Variants in CHAT observed in about 807,000 individuals in gnomAD.
CHAT encodes acetyl CoA:choline O-acetyltransferase.
CHAT carries 61 observed loss-of-function variants against 76.9 expected under a neutral mutation model. That is an observed-to-expected ratio of 0.79 (90% CI 0.65 to 0.98). CHAT has a LOEUF of 0.98. CHAT is among the 50% of genes least tolerant of loss of function. The pLI is 0.00. For missense variants in CHAT, 946 were observed against 986.9 expected (o/e 0.96, Z 0.56); for synonymous variants, 407 against 397.4 (o/e 1.02, Z -0.29).
upstream of CHAT, chr10:49,613,159 A>AG: frequency 6.6e-6 from 1 of 152,278 alleles, no homozygotes; most frequent in Non-Finnish European, 1.5e-5. Flanking sequence ...ATTCCGGCAG[A>AG]GGAAGAAAAA....
At chr10:49,610,454 G>C (rs2377879), upstream of CHAT, 1 of 364,628 alleles carries the variant, frequency 2.7e-6, no homozygotes, top group East Asian at 4.0e-5. Context: ...GGCGAAGTGC[G>C]CCCAGTCTCC....
rs752740939 is a variant in CHAT at position 49,664,969 on chromosome 10, C to A, written c.2170C>A (p.Leu724Met). 1.2e-6 allele frequency: 2 copies of A among 1,614,256 alleles called. No homozygotes were observed. Among genetic ancestry groups the A allele is most frequent in the South Asian group, 2.2e-5 (2 of 91,082 alleles). Residue 724 changes from leucine (L) to methionine (M), a missense_variant, in exon 15 of 15, where the codon CTG becomes ATG. Leu to Met is a conservative substitution (Grantham distance 15). Coordinates refer to ENST00000337653, the MANE Select transcript of CHAT (RefSeq NM_020549.5). ...CATTGACATGAGAGACCTCTGCAGT[C>A]TGCTGCCGCCTACTGAGAGCAAGCC... ...SLIDMRDLCS[L>M]LPPTESKPLA...
chr10:49,662,601 G>A, intron 13 of CHAT, 44 bp from the exon 14 acceptor site: 1 of 1,612,586 alleles, frequency 6.2e-7, no homozygotes. Context: ...GGAGGTGCAG[G>A]AGGCCCACTT....
upstream of CHAT, among the ~76,000 whole-genome samples, chr10:49,609,757 G>A (rs191436474): frequency 1.3e-5 from 2 of 152,202 alleles, no homozygotes; most frequent in African/African-American, 2.4e-5. Flanking sequence ...GGGCCAGGGG[G>A]CGGAGTCGGA....
At position 49,614,406 on chromosome 10, in the gene CHAT, C is replaced by G; in HGVS notation, c.217C>G (p.His73Asp). Residue 73 changes from histidine (H) to aspartate (D), a missense_variant, in exon 1 of 15, where the codon CAC becomes GAC. Physicochemically the swap from His to Asp is moderately conservative, Grantham distance 81. Around this residue, in one of 3 missense-constraint regions of CHAT, gnomAD observed 548 missense variants for 516.2 expected, o/e 1.06. Coordinates refer to ENST00000337653, the MANE Select transcript of CHAT (RefSeq NM_020549.5). The stretch of plus-strand genomic sequence containing the variant: ...GACACGCCCCCCACCCCTTCCGGCT[C>G]ACACCCCCGCCCACACTCCTGAGTG... ...AATRPPPLPAHTPAHTPEWCG... is the reference protein window; with the variant it reads ...AATRPPPLPADTPAHTPEWCG... 6.5e-7 allele frequency: 1 copy of G among 1,547,126 alleles called. No individual in the cohort carries two copies. The highest frequency in any genetic ancestry group is 1.2e-5 in the South Asian group (1 of 83,944).
chr10:49,642,221 T>C (rs892279707), intron 7 of CHAT, among the ~76,000 whole-genome samples: 34 of 152,242 alleles, frequency 2.2e-4, no homozygotes, highest in Admixed American at 2.6e-4. Context: ...CTTCAGCCCG[T>C]TGTCCCATGT....
At chr10:49,627,212 G>A (rs1054123489) in intron 6 of CHAT, among the ~76,000 whole-genome samples, 12 of 152,196 alleles carry the variant, frequency 7.9e-5, no homozygotes, top group African/African-American at 1.4e-4. Context: ...CGGTACACAC[G>A]GGTACGTTTC....
intron 2 of CHAT, among the ~76,000 whole-genome samples, chr10:49,617,815 G>A (rs541653530): frequency 9.9e-5 from 15 of 152,166 alleles, no homozygotes; most frequent in Non-Finnish European, 1.6e-4. Context: ...GGTTGGGCAG[G>A]GCAGTCTGGG....
Position 49,614,300 on chromosome 10 carries a change from C to G in CHAT, c.111C>G (p.Leu37=). ...GAGAAGTGCGGCCAGCTTGCTTTCTCCAGTCGGGTGGCCGCGGGGACCCGG... is the reference window on the plus strand; with the variant it reads ...GAGAAGTGCGGCCAGCTTGCTTTCTGCAGTCGGGTGGCCGCGGGGACCCGG... The part of the protein sequence containing the change: ...GRREVRPACF[L]QSGGRGDPGD... The change falls in exon 1 of 15, where the codon CTC becomes CTG. Residue 37 remains leucine (L), a synonymous_variant. Transcript: ENST00000337653. 5 of 1,548,252 alleles carry G rather than the reference C, an allele frequency of 3.2e-6. No individual in the cohort carries two copies. The highest frequency in any genetic ancestry group is 4.4e-6 in the Non-Finnish European group (5 of 1,146,394).
intron 13 of CHAT, among the ~76,000 whole-genome samples, chr10:49,657,404 A>G (rs750491375): frequency 6.6e-6 from 1 of 152,172 alleles, no homozygotes; most frequent in Non-Finnish European, 1.5e-5. Context: ...GTTTCAACAC[A>G]TGAAGTTTGG....
At chr10:49,631,751 C>G (rs151029088) in intron 7 of CHAT, among the ~76,000 whole-genome samples, 214 of 152,214 alleles carry the variant, frequency 1.4e-3, no homozygotes, top group African/African-American at 4.6e-3. Context: ...AGATGTGATA[C>G]TGGCCATGGG....
At chr10:49,647,364 T>C (rs1410722234) in intron 8 of CHAT, among the ~76,000 whole-genome samples, 2 of 152,202 alleles carry the variant, frequency 1.3e-5, no homozygotes, top group Non-Finnish European at 1.5e-5. Flanking sequence ...TCCCCCAACA[T>C]GCCAATCCTG....
At chr10:49,639,641 A>G (rs928093980) in intron 7 of CHAT, among the ~76,000 whole-genome samples, 25 of 150,932 alleles carry the variant, frequency 1.7e-4, no homozygotes, top group African/African-American at 6.1e-4. Context: ...TGTTTTCAAG[A>G]TTTTTCCTTT....
chr10:49,622,352 G>A (rs989594354), intron 5 of CHAT, among the ~76,000 whole-genome samples: 2 of 152,158 alleles, frequency 1.3e-5, no homozygotes, highest in Non-Finnish European at 2.9e-5. Flanking sequence ...TCCTTTTCCT[G>A]TGGCAAGCAC....
At chr10:49,642,937 T>C (rs1456357446) in intron 7 of CHAT, among the ~76,000 whole-genome samples, 1 of 152,228 alleles carries the variant, frequency 6.6e-6, no homozygotes, top group Non-Finnish European at 1.5e-5. Flanking sequence ...CACTCCCTGT[T>C]GTTGCTGGCT....
intron 7 of CHAT, among the ~76,000 whole-genome samples, chr10:49,637,938 C>T (rs1839350163): frequency 6.6e-6 from 1 of 152,058 alleles, no homozygotes; most frequent in Non-Finnish European, 1.5e-5. Flanking sequence ...GGCATATGTT[C>T]GATGGGTATT....
intron 4 of CHAT, among the ~76,000 whole-genome samples, chr10:49,621,845 A>T (rs1838721343): frequency 6.6e-6 from 1 of 150,464 alleles, no homozygotes; most frequent in African/African-American, 2.5e-5. Flanking sequence ...GGCTCTCGGC[A>T]TGGGGCTGGG....
chr10:49,647,289 A>G (rs184221920), intron 8 of CHAT: 1 of 156,670 alleles, frequency 6.4e-6, no homozygotes, highest in East Asian at 1.9e-4. Context: ...AGAGAAAAAT[A>G]CCCATGCAGA....
At chr10:49,610,959 G>T (rs8178982), upstream of CHAT, 26 of 1,610,590 alleles carry the variant, frequency 1.6e-5, no homozygotes, top group Non-Finnish European at 2.1e-5. Context: ...GCCCCACCCG[G>T]ACTCCCGAGG....
Sources: allele counts gnomAD v4.1 joint callset (sites outside exome capture counted in the v4.1 genomes callset), GRCh38; gene constraint gnomAD v4.1.1; regional missense constraint gnomAD v4.1.1; transcripts MANE v1.5; gene names NCBI Gene and HGNC (gene_info 2026-07-23, HGNC 2026-07-21).